ADAMTSL1: variants seen among roughly 807,000 people sequenced by gnomAD.
ADAMTSL1 encodes ADAMTS-like protein 1.
ADAMTSL1 carries 126 observed loss-of-function variants against 201.8 expected under a neutral mutation model. That is an observed-to-expected ratio of 0.62 (90% CI 0.54 to 0.72). The LOEUF (loss-of-function observed/expected upper bound fraction) is 0.72. ADAMTSL1 is among the 30% of genes least tolerant of loss of function. The pLI is 0.00. For missense variants in ADAMTSL1, 2,679 were observed against 2,277.8 expected (o/e 1.18, Z -3.59); for synonymous variants, 1,121 against 903.4 (o/e 1.24, Z -4.32).
intron 2 of ADAMTSL1, among the ~76,000 whole-genome samples, chr9:18,244,104 T>C (rs969331353): frequency 9.0e-6 from 1 of 111,572 alleles, no homozygotes; most frequent in African/African-American, 3.0e-5. Flanking sequence ...TGTGTGTGTG[T>C]GTGTGTACGT....
chr9:18,695,397 A>G (rs1213710210), intron 13 of ADAMTSL1, among the ~76,000 whole-genome samples: 23 of 152,298 alleles, frequency 1.5e-4, no homozygotes, highest in Non-Finnish European at 2.2e-4. Context: ...TTTCTACCAC[A>G]TAGGCTGCAA....
At chr9:18,501,220 G>A (rs763573357) in intron 1 of ADAMTSL1, among the ~76,000 whole-genome samples, 3 of 152,142 alleles carry the variant, frequency 2.0e-5, no homozygotes, top group Non-Finnish European at 2.9e-5. Flanking sequence ...AAAAGTAAAA[G>A]AGAAATGGGG....
chr9:18,212,661 T>C (rs868669593), intron 2 of ADAMTSL1, among the ~76,000 whole-genome samples: 19 of 152,154 alleles, frequency 1.2e-4, no homozygotes, highest in African/African-American at 4.6e-4. Context: ...TAAAAATGTA[T>C]ACATTTCAAA....
intron 13 of ADAMTSL1, among the ~76,000 whole-genome samples, chr9:18,706,432 A>G (rs1000233389): frequency 6.6e-6 from 1 of 152,152 alleles, no homozygotes; most frequent in African/African-American, 2.4e-5. Context: ...ATTTAGAGTG[A>G]GGAGAAGAAA....
intron 23 of ADAMTSL1, among the ~76,000 whole-genome samples, chr9:18,842,318 GT>G (rs1244997645): frequency 6.6e-6 from 1 of 152,080 alleles, no homozygotes; most frequent in Middle Eastern, 3.2e-3. Flanking sequence ...TCAGGAGCAG[GT>G]TGTTCAGTTT....
intron 4 of ADAMTSL1, among the ~76,000 whole-genome samples, chr9:18,593,790 T>G (rs1008964323): frequency 8.7e-6 from 1 of 114,796 alleles, no homozygotes; most frequent in Non-Finnish European, 1.8e-5. Flanking sequence ...TTATTTCAGG[T>G]TTTTTTTTAA....
intron 1 of ADAMTSL1, among the ~76,000 whole-genome samples, chr9:17,968,697 C>T (rs919992555): frequency 3.9e-5 from 6 of 152,080 alleles, no homozygotes; most frequent in Admixed American, 1.3e-4. Context: ...AATGTTGGGA[C>T]AGGCTGTGTC....
At chr9:18,303,865 C>G (rs1042587713) in intron 2 of ADAMTSL1, among the ~76,000 whole-genome samples, 1 of 152,138 alleles carries the variant, frequency 6.6e-6, no homozygotes. Flanking sequence ...CTTTTCTCTT[C>G]TGCACCCTGC....
At chr9:18,893,686 C>G (rs560152317) in intron 26 of ADAMTSL1, among the ~76,000 whole-genome samples, 1 of 152,324 alleles carries the variant, frequency 6.6e-6, no homozygotes, top group South Asian at 2.1e-4. Flanking sequence ...TCTCACAATC[C>G]TGTTGATGTT....
At chr9:18,784,638 G>A (rs561865501) in intron 19 of ADAMTSL1, among the ~76,000 whole-genome samples, 6 of 152,198 alleles carry the variant, frequency 3.9e-5, no homozygotes, top group Non-Finnish European at 8.8e-5. Context: ...GCTGTAGTGT[G>A]TATAAGTACA....
intron 28 of ADAMTSL1, chr9:18,908,210 C>T: frequency 1.8e-6 from 1 of 550,552 alleles, no homozygotes; most frequent in Non-Finnish European, 3.3e-6. Flanking sequence ...GGGAGGGGCC[C>T]CATCATTCAG....
chr9:18,023,667 G>C (rs546226418), intron 1 of ADAMTSL1, among the ~76,000 whole-genome samples: 1 of 152,088 alleles, frequency 6.6e-6, no homozygotes, highest in Non-Finnish European at 1.5e-5. Flanking sequence ...GATTTCTTCT[G>C]TCTGGTGGAT....
intron 2 of ADAMTSL1, among the ~76,000 whole-genome samples, chr9:18,211,658 G>C (rs1401954835): frequency 6.6e-6 from 1 of 152,082 alleles, no homozygotes; most frequent in African/African-American, 2.4e-5. Flanking sequence ...CAAAAATGTG[G>C]CAATCCCTTA....
At chr9:18,341,868 T>C (rs989853868) in intron 2 of ADAMTSL1, among the ~76,000 whole-genome samples, 3 of 152,148 alleles carry the variant, frequency 2.0e-5, no homozygotes, top group African/African-American at 7.2e-5. Flanking sequence ...AAGTGTGCAT[T>C]AAACCAAAGT....
intron 1 of ADAMTSL1, among the ~76,000 whole-genome samples, chr9:18,494,225 G>A (rs538271445): frequency 2.0e-4 from 31 of 152,014 alleles, no homozygotes; most frequent in South Asian, 4.2e-4. Context: ...GCATGGTGGC[G>A]GGTGCCTGTA....
chr9:18,106,551 C>A (rs943580413), intron 1 of ADAMTSL1, among the ~76,000 whole-genome samples: 65 of 152,168 alleles, frequency 4.3e-4, no homozygotes, highest in African/African-American at 1.5e-3. Flanking sequence ...GTAAAGACAG[C>A]CCGAGTTTAA....
chr9:18,009,322 C>T (rs568852542), intron 1 of ADAMTSL1, among the ~76,000 whole-genome samples: 59 of 152,132 alleles, frequency 3.9e-4, no homozygotes, highest in African/African-American at 1.4e-3. Flanking sequence ...GGCTTGTCAT[C>T]CATTCTCTGG....
chr9:18,073,795 C>T (rs1023512609), intron 1 of ADAMTSL1, among the ~76,000 whole-genome samples: 2 of 152,136 alleles, frequency 1.3e-5, no homozygotes, highest in African/African-American at 4.8e-5. Context: ...GAGGGTGTCA[C>T]CCAACTTCAG....
chr9:18,309,225 A>G (rs1834024428), intron 2 of ADAMTSL1, among the ~76,000 whole-genome samples: 1 of 152,208 alleles, frequency 6.6e-6, no homozygotes, highest in Admixed American at 6.5e-5. Flanking sequence ...CCCACAGCCA[A>G]TATCTTACTG....
Sources: gnomAD v4.1 joint callset for allele counts (sites outside exome capture counted in the v4.1 genomes callset) on GRCh38, gnomAD v4.1.1 for gene constraint, MANE v1.5 for transcripts, NCBI Gene and HGNC (gene_info 2026-07-23, HGNC 2026-07-21) for gene names.